The following CNTN5 variants were observed in gnomAD, a reference collection of about 807,000 sequenced individuals.
The protein encoded by CNTN5 is contactin-5.
In CNTN5, 77 loss-of-function variants were observed where a neutral mutation model predicts 129.1. The observed-to-expected ratio is 0.60, with a 90% CI of 0.50 to 0.72. The LOEUF (loss-of-function observed/expected upper bound fraction) is 0.72, where lower values mean the gene tolerates loss of function less well. Among genes scored for constraint, CNTN5 ranks in the 30% least tolerant of loss-of-function variants. CNTN5 has a pLI of 0.00. For missense variants in CNTN5, 1,478 were observed against 1,328.8 expected (o/e 1.11, Z -1.75); for synonymous variants, 509 against 465.6 (o/e 1.09, Z -1.20).
intron 1 of CNTN5, among the ~76,000 whole-genome samples, chr11:99,043,579 G>A (rs760397504): frequency 2.2e-4 from 33 of 152,168 alleles, no homozygotes; most frequent in Admixed American, 3.3e-4. Flanking sequence ...CTTCCTATTC[G>A]AAAAAGTGGC....
At chr11:99,673,243 T>A (rs1218033710) in intron 3 of CNTN5, among the ~76,000 whole-genome samples, 1 of 152,156 alleles carries the variant, frequency 6.6e-6, no homozygotes, top group Admixed American at 6.5e-5. Context: ...GTGTCAAAAT[T>A]GAAAAACATT....
chr11:99,983,349 G>A (rs1938470632), intron 8 of CNTN5, among the ~76,000 whole-genome samples: 1 of 152,126 alleles, frequency 6.6e-6, no homozygotes, highest in Admixed American at 6.5e-5. Flanking sequence ...AAAGTGTTGT[G>A]TAGCTAAGGT....
chr11:99,460,883 C>T (rs1357357469), intron 2 of CNTN5, among the ~76,000 whole-genome samples: 1 of 151,906 alleles, frequency 6.6e-6, no homozygotes, highest in Non-Finnish European at 1.5e-5. Flanking sequence ...AATCATAAGT[C>T]TTCATTCAAG....
intron 3 of CNTN5, among the ~76,000 whole-genome samples, chr11:99,575,992 C>T (rs1377733742): frequency 6.6e-6 from 1 of 152,172 alleles, no homozygotes; most frequent in Non-Finnish European, 1.5e-5. Flanking sequence ...GCCCCGGTGG[C>T]CACATCACAG....
intron 3 of CNTN5, among the ~76,000 whole-genome samples, chr11:99,649,457 A>G (rs1050769022): frequency 6.6e-6 from 1 of 151,720 alleles, no homozygotes; most frequent in Non-Finnish European, 1.5e-5. Flanking sequence ...TTGCAACTTT[A>G]TTTTCCCTGG....
At chr11:99,461,793 G>A (rs1944709736) in intron 2 of CNTN5, among the ~76,000 whole-genome samples, 1 of 152,034 alleles carries the variant, frequency 6.6e-6, no homozygotes, top group Non-Finnish European at 1.5e-5. Context: ...TTTCAAGAAT[G>A]TGCTACCCTC....
chr11:99,264,237 TTTAA>T (rs546108165), intron 1 of CNTN5, among the ~76,000 whole-genome samples: 281 of 151,536 alleles, frequency 1.9e-3, no homozygotes, highest in African/African-American at 6.3e-3. Flanking sequence ...AATAATATTA[TTTAA>T]TTATTCTTGA....
chr11:99,909,257 T>G (rs1949590936), intron 6 of CNTN5, among the ~76,000 whole-genome samples: 1 of 152,134 alleles, frequency 6.6e-6, no homozygotes, highest in African/African-American at 2.4e-5. Flanking sequence ...AAAACCACAA[T>G]GAGATACCAT....
chr11:99,644,943 C>T (rs2453260), intron 3 of CNTN5, among the ~76,000 whole-genome samples: 91,181 of 151,570 alleles, frequency 0.6, 28,256 homozygotes, highest in Admixed American at 0.69. Flanking sequence ...CAAACTTTAA[C>T]ATTAAGAAAC....
At chr11:99,666,877 C>A (rs977540269) in intron 3 of CNTN5, among the ~76,000 whole-genome samples, 6 of 151,918 alleles carry the variant, frequency 3.9e-5, no homozygotes, top group Admixed American at 3.9e-4. Flanking sequence ...GATTAAAATC[C>A]GTTACAGGAA....
chr11:99,355,811 GT>G (rs367680756), intron 2 of CNTN5, among the ~76,000 whole-genome samples: 7 of 127,898 alleles, frequency 5.5e-5, no homozygotes, highest in South Asian at 2.3e-4. Flanking sequence ...ATCTGTCATG[GT>G]TTTTTTTTGT....
intron 13 of CNTN5, among the ~76,000 whole-genome samples, chr11:100,150,919 C>T (rs1947031701): frequency 6.6e-6 from 1 of 151,982 alleles, no homozygotes; most frequent in East Asian, 1.9e-4. Flanking sequence ...ATGTGGACCC[C>T]ATGAAGGAAT....
intron 1 of CNTN5, among the ~76,000 whole-genome samples, chr11:99,083,394 T>G (rs1003476767): frequency 2.6e-5 from 4 of 152,202 alleles, no homozygotes; most frequent in Non-Finnish European, 5.9e-5. Context: ...TGGTATCAGG[T>G]GGCACTTCAG....
chr11:100,270,858 G>A (rs1253512339), intron 17 of CNTN5, among the ~76,000 whole-genome samples: 1 of 152,156 alleles, frequency 6.6e-6, no homozygotes, highest in Non-Finnish European at 1.5e-5. Context: ...TTTGTGTAAA[G>A]ATAAAATGAA....
At chr11:100,278,021 T>C (rs1950552745) in intron 18 of CNTN5, among the ~76,000 whole-genome samples, 1 of 152,162 alleles carries the variant, frequency 6.6e-6, no homozygotes, top group Admixed American at 6.5e-5. Flanking sequence ...TTCACTTTTC[T>C]ACATGTAGCT....
At chr11:99,333,293 G>A (rs1866079426) in intron 2 of CNTN5, among the ~76,000 whole-genome samples, 1 of 151,966 alleles carries the variant, frequency 6.6e-6, no homozygotes. Flanking sequence ...TGTGATTTAG[G>A]TGACTTTTGG....
intron 9 of CNTN5, among the ~76,000 whole-genome samples, chr11:100,054,339 T>C (rs1214613543): frequency 6.6e-6 from 1 of 151,802 alleles, no homozygotes; most frequent in African/African-American, 2.4e-5. Flanking sequence ...AGTTTTTCAA[T>C]TAATCTGCTA....
intron 20 of CNTN5, among the ~76,000 whole-genome samples, chr11:100,302,737 C>T (rs1231235119): frequency 1.3e-5 from 2 of 151,558 alleles, no homozygotes; most frequent in Non-Finnish European, 3.0e-5. Flanking sequence ...CCCAATGGAA[C>T]ATGGATAATA....
intron 13 of CNTN5, among the ~76,000 whole-genome samples, chr11:100,093,118 C>A (rs538426005): frequency 6.6e-6 from 1 of 152,152 alleles, no homozygotes; most frequent in East Asian, 1.9e-4. Flanking sequence ...ACATGTTCTG[C>A]AACAGTGCGG....
Sources: allele counts gnomAD v4.1 joint callset (sites outside exome capture counted in the v4.1 genomes callset), GRCh38; gene constraint gnomAD v4.1.1; transcripts MANE v1.5; gene names NCBI Gene and HGNC (gene_info 2026-07-23, HGNC 2026-07-21).